Variants in CEP164 observed in about 807,000 individuals in gnomAD.
The protein encoded by CEP164 is centrosomal protein 164.
In CEP164, 162 loss-of-function variants were observed where a neutral mutation model predicts 182.7. The ratio of observed to expected loss-of-function variants is 0.89; its 90% CI spans 0.78 to 1.01. The LOEUF is 1.01. Ranked by LOEUF, CEP164 falls within the 50% of genes least tolerant of loss-of-function variation. The probability of loss-of-function intolerance (pLI) is 0.00; values close to 1 mark genes in which losing one functional copy is unlikely to be tolerated. For synonymous variants in CEP164, 661 were observed against 690.0 expected (o/e 0.96, Z 0.66); for missense variants, 1,735 against 1,790.4 (o/e 0.97, Z 0.56).
chr11:117,389,827 T>A (rs1025978276), intron 15 of CEP164, among the ~76,000 whole-genome samples: 36 of 152,160 alleles, frequency 2.4e-4, no homozygotes, highest in African/African-American at 8.2e-4. Flanking sequence ...GGAATCTGGT[T>A]GGGTGGCTAT....
chr11:117,412,034 T>C lies in CEP164; in HGVS notation c.4287-38T>C, dbSNP rs758438999. 40 of 1,612,836 alleles carry C rather than the reference T, an allele frequency of 2.5e-5. No individual in the cohort carries two copies. The Middle Eastern group carries it at 4.9e-4, about 20-fold the overall frequency. Reference sequence around the variant, plus strand: ...CCCTTTCATGGCCCCTGCCTGGCTATGCCCAGCGACTGCAGTTTTCCTTCA... The same window carrying C: ...CCCTTTCATGGCCCCTGCCTGGCTACGCCCAGCGACTGCAGTTTTCCTTCA... On this transcript the variant is annotated intron_variant, in intron 32 of 32. Coordinates refer to ENST00000278935, the MANE Select transcript of CEP164 (RefSeq NM_014956.5).
At chr11:117,360,747 A>G (rs370275679) in intron 5 of CEP164, among the ~76,000 whole-genome samples, 7 of 152,168 alleles carry the variant, frequency 4.6e-5, no homozygotes, top group Non-Finnish European at 2.9e-5. Flanking sequence ...ATAAGAAAGT[A>G]TAGCACTTCA....
chr11:117,373,865 G>T (rs368847862), intron 10 of CEP164, 34 bp downstream of exon 10: 12 of 1,574,254 alleles, frequency 7.6e-6, no homozygotes, highest in Non-Finnish European at 1.0e-5. Context: ...GAGTGGTGGT[G>T]AAGAGCATAG....
At chr11:117,408,707 C>T (rs767852013) in intron 28 of CEP164, 183 bp from the exon 29 acceptor site, 16 of 763,058 alleles carry the variant, frequency 2.1e-5, no homozygotes, top group Non-Finnish European at 2.9e-5. Context: ...TTTGTAGCAA[C>T]AAAATTGCTA....
At position 117,330,506 on chromosome 11, in the gene CEP164, G is replaced by A. The variant is rs193196748; in HGVS notation, c.-98+2602G>A. 9.7e-4 allele frequency among the ~76,000 whole-genome samples: 147 copies of A among 152,244 alleles called. 1 individual carries two copies. The East Asian group carries it at 0.021, about 22-fold the overall frequency. On this transcript the variant is annotated intron_variant, in intron 1 of 32. Transcript: ENST00000278935. Reference sequence around the variant, plus strand: ...TCTACTAAAAATACAAAAATTAGCCGGGCGTGGTGGCAGGCGCCTGTAATC... The same window carrying A: ...TCTACTAAAAATACAAAAATTAGCCAGGCGTGGTGGCAGGCGCCTGTAATC...
chr11:117,354,127 G>A lies in CEP164; in HGVS notation c.393+2139G>A, dbSNP rs149651423. Among the ~76,000 whole-genome samples the A allele has an allele frequency of 3.3e-3, 502 of 151,436 alleles. 8 individuals are homozygous for A. Among genetic ancestry groups the A allele is most frequent in the African/African-American group, 0.012 (482 of 41,266 alleles). On this transcript the variant is annotated intron_variant, in intron 5 of 32. Coordinates refer to ENST00000278935, the MANE Select transcript of CEP164 (RefSeq NM_014956.5). The stretch of plus-strand genomic sequence containing the variant: ...CGCCCCCTGGGTTCAAGCAATTCTC[G>A]TCCCTCAGCCTTCCGAGGAGCAGGG...
rs754847983 is a variant in CEP164 at position 117,355,521 on chromosome 11, A to G, written c.393+3533A>G. 12 of 1,285,694 alleles carry G rather than the reference A, an allele frequency of 9.3e-6. No homozygotes were observed. The South Asian group carries it at 1.4e-4, about 15-fold the overall frequency. The allele number at this position is 1,285,694 out of a possible 1,614,324, so 79.6% of individuals were successfully genotyped here. A position where few individuals can be genotyped will look rare whatever the true frequency, so the allele number is the denominator to read the frequency against. On this transcript the variant is annotated intron_variant, in intron 5 of 32. Transcript: ENST00000278935. ...AGCCCCACTGGCCCTGGAGGGGACA[A>G]GGGCCAAAGCCCCATTCCCATGTCA...
chr11:117,391,397 A>G (rs1174203196), intron 17 of CEP164, among the ~76,000 whole-genome samples, 182 bp downstream of exon 17: 1 of 151,904 alleles, frequency 6.6e-6, no homozygotes, highest in Non-Finnish European at 1.5e-5. Context: ...TGGGCCCATT[A>G]CTCCATATGG....
At chr11:117,329,239 G>T (rs2035811585) in intron 1 of CEP164, among the ~76,000 whole-genome samples, 1 of 152,088 alleles carries the variant, frequency 6.6e-6, no homozygotes, top group East Asian at 1.9e-4. Context: ...CGGGACTACA[G>T]GCATGCACCA....
At chr11:117,407,051 C>T (rs759646462) in intron 27 of CEP164, among the ~76,000 whole-genome samples, 2 of 151,856 alleles carry the variant, frequency 1.3e-5, no homozygotes, top group Non-Finnish European at 2.9e-5. Context: ...GAGCCGAGAT[C>T]GCACCACTGG....
intron 20 of CEP164, 111 bp downstream of exon 20, chr11:117,393,237 G>A: frequency 2.8e-6 from 4 of 1,452,020 alleles, no homozygotes; most frequent in Non-Finnish European, 3.7e-6. Context: ...ACACCCCGGG[G>A]TCCTTCCCAC....
chr11:117,329,839 C>CTTT (rs61429989), intron 1 of CEP164, among the ~76,000 whole-genome samples: 2,197 of 95,466 alleles, frequency 0.023, 52 homozygotes, highest in Admixed American at 0.035. Flanking sequence ...TGCGCCTGGC[C>CTTT]TTTTTTTTTT....
At chr11:117,356,090 C>T in intron 5 of CEP164, 1 of 1,077,702 alleles carries the variant, frequency 9.3e-7, no homozygotes, top group South Asian at 2.5e-5. Flanking sequence ...TTGGAACCTG[C>T]AGAGCTCACG....
rs1592380708 is a variant in CEP164, at chr11:117,394,309, G to A, written c.2617-41G>A. On this transcript the variant is annotated intron_variant, in intron 20 of 32. Coordinates refer to ENST00000278935, the MANE Select transcript of CEP164 (RefSeq NM_014956.5). This position sits in a 1 kb window ranked among gnomAD's most constrained non-coding sequence, Gnocchi z 4.0. ...AGCTGTGATTTTTGTGGTAGAAGGG[G>A]CTGCCGCAGCTTCCCACCGGTGGGC... 4 of 1,559,884 alleles carry A rather than the reference G, an allele frequency of 2.6e-6. No individual in the cohort carries two copies. Among genetic ancestry groups the A allele is most frequent in the Admixed American group, 1.9e-5 (1 of 51,402 alleles).
chr11:117,392,986 C>A lies in CEP164; in HGVS notation c.2494-18C>A. ...CGCCTCGGTTCTTCATGCCACATCC[C>A]TGCCATCTCCCCTGCAGCTCAGCAG... On this transcript the variant is annotated intron_variant, in intron 19 of 32. Transcript: ENST00000278935. 6.2e-7 allele frequency: 1 copy of A among 1,612,236 alleles called. No individual in the cohort carries two copies. The highest frequency in any genetic ancestry group is 1.1e-5 in the South Asian group (1 of 90,910).
intron 8 of CEP164, among the ~76,000 whole-genome samples, chr11:117,370,244 G>A (rs547648348): frequency 1.3e-5 from 2 of 151,848 alleles, no homozygotes; most frequent in East Asian, 1.9e-4. Flanking sequence ...TGCTGTCTCC[G>A]AGGCTGCTGC....
At chr11:117,370,490 G>A (rs1444861777) in intron 8 of CEP164, among the ~76,000 whole-genome samples, 1 of 152,244 alleles carries the variant, frequency 6.6e-6, no homozygotes, top group Admixed American at 6.5e-5. Flanking sequence ...GGTGGTGACA[G>A]AGTTGTATCG....
At chr11:117,389,242 G>A (rs2044316087) in intron 15 of CEP164, among the ~76,000 whole-genome samples, 1 of 152,140 alleles carries the variant, frequency 6.6e-6, no homozygotes, top group Non-Finnish European at 1.5e-5. Context: ...CACATCCCCT[G>A]GTCGTGTGGG....
intron 11 of CEP164, among the ~76,000 whole-genome samples, chr11:117,378,114 C>T (rs2042944905): frequency 6.6e-6 from 1 of 152,098 alleles, no homozygotes; most frequent in African/African-American, 2.4e-5. Context: ...GGTGATCTGC[C>T]CGCCTTGGCC....
Sources: gnomAD v4.1 joint callset for allele counts (sites outside exome capture counted in the v4.1 genomes callset) on GRCh38, gnomAD v4.1.1 for gene constraint, Gnocchi (gnomAD v3.1) non-coding constraint, MANE v1.5 for transcripts, NCBI Gene and HGNC (gene_info 2026-07-23, HGNC 2026-07-21) for gene names.